The following RRP8 variants were observed in gnomAD, a reference collection of about 807,000 sequenced individuals.
The protein encoded by RRP8 is ribosomal RNA processing 8.
A neutral mutation model predicts 45.0 loss-of-function variants in RRP8; 48 were observed. That is an observed-to-expected ratio of 1.07 (90% CI 0.85 to 1.36). The LOEUF (loss-of-function observed/expected upper bound fraction) is 1.36, where lower values mean the gene tolerates loss of function less well. Among genes scored for constraint, RRP8 ranks in the 40% most tolerant of loss-of-function variants. RRP8 has a pLI of 0.00. For synonymous variants in RRP8, 274 were observed against 212.4 expected (o/e 1.29, Z -2.52); for missense variants, 658 against 573.7 (o/e 1.15, Z -1.50).
At position 6,597,686 on chromosome 11, in the gene RRP8, T is replaced by A. The variant is rs1464972261; in HGVS notation, c.*2460A>T. On this transcript the variant is annotated 3_prime_UTR_variant, in exon 7 of 7. Coordinates refer to ENST00000254605, the MANE Select transcript of RRP8 (RefSeq NM_015324.4). The stretch of plus-strand genomic sequence containing the variant: ...CAGGCCGATCACTCGAGGTCAGGAG[T>A]TCGAGACCAGCCTGGCCAACATGGT... The A allele has an allele frequency of 1.3e-5, 2 of 150,952 alleles. No individual in the cohort carries two copies. The highest frequency in any genetic ancestry group is 4.9e-5 in the African/African-American group (2 of 40,916). The allele number at this position is 150,952 out of a possible 1,614,324, so 9.4% of individuals were successfully genotyped here. A position where few individuals can be genotyped will look rare whatever the true frequency, so the allele number is the denominator to read the frequency against.
rs145507676 is a variant in RRP8, at chr11:6,601,326, T to A, written c.740A>T (p.Asp247Val). 2 of 1,613,848 alleles carry A rather than the reference T, an allele frequency of 1.2e-6. No homozygotes were observed. Among genetic ancestry groups the A allele is most frequent in the Admixed American group, 3.3e-5 (2 of 59,996 alleles). Reference protein sequence around the residue: ...ALRARMAQRLDGARFRYLNEQ... With the variant: ...ALRARMAQRLVGARFRYLNEQ... ...ATTGAGGTAGCGAAATCGGGCCCCA[T>A]CCAGCCGCTGTGCCATGCGGGCTCG... Residue 247 changes from aspartate (D) to valine (V), a missense_variant, in exon 3 of 7, where the codon GAT (aspartate) becomes GTT (valine). Physicochemically the swap from Asp to Val is radical, Grantham distance 152. Coordinates refer to ENST00000254605, the MANE Select transcript of RRP8 (RefSeq NM_015324.4).
In RRP8 at chr11:6,601,498, T is replaced by C; in HGVS notation, c.568A>G (p.Asn190Asp). 1 of 1,613,156 alleles carries C rather than the reference T, an allele frequency of 6.2e-7. No individual in the cohort carries two copies. The highest frequency in any genetic ancestry group is 8.5e-7 in the Non-Finnish European group (1 of 1,180,012). ...CATCTTCTCTTGTTCTTTTGCCGGT[T>C]CCGCCACTGCTTGCGGCTTAATGTA... ...PHTLSRKQWRNRQKNKRRCKN... is the reference protein window; with the variant it reads ...PHTLSRKQWRDRQKNKRRCKN... Residue 190 changes from asparagine to aspartate, a missense_variant, in exon 3 of 7, where the codon AAC becomes GAC. By Grantham distance (23) the Asn-to-Asp change is conservative. Transcript: ENST00000254605.
rs1854286183 is a variant in RRP8 at position 6,599,278 on chromosome 11, G to A, written c.*868C>T. On this transcript the variant is annotated 3_prime_UTR_variant, in exon 7 of 7. Transcript: ENST00000254605. Reference sequence around the variant, plus strand: ...ATAATAGTCATAGCTAGTTTACTGAGCACCTCCTATGTTCCCAGCCCTGGC... The same window carrying A: ...ATAATAGTCATAGCTAGTTTACTGAACACCTCCTATGTTCCCAGCCCTGGC... The A allele has an allele frequency of 6.6e-6, 1 of 152,182 alleles. No individual in the cohort carries two copies. The allele number at this position is 152,182 out of a possible 1,614,324, so 9.4% of individuals were successfully genotyped here. A position where few individuals can be genotyped will look rare whatever the true frequency, so the allele number is the denominator to read the frequency against.
Position 6,601,259 on chromosome 11 carries a change from G to A in RRP8, c.807C>T (p.Leu269=), listed in dbSNP as rs752681307. 7.4e-6 allele frequency: 12 copies of A among 1,611,790 alleles called. No homozygotes were observed. Among genetic ancestry groups the A allele is most frequent in the Non-Finnish European group, 1.0e-5 (12 of 1,178,936 alleles). ...GAAAAGCCTCAGGGTCTTCCTGGAA[G>A]AGACGCTGTGCAGCACTGCTGGGCC... ...YSGPSSAAQR[L]FQEDPEAFLL... is the part of the protein sequence containing the mutation. Residue 269 remains leucine (L), a synonymous_variant, in exon 3 of 7, where the codon CTC becomes CTT. Coordinates refer to ENST00000254605, the MANE Select transcript of RRP8 (RefSeq NM_015324.4).
Position 6,603,445 on chromosome 11 carries a change from C to T in RRP8, c.58G>A (p.Val20Ile). ...AAPVAAGLGP[V>I]ISRPPPAASS... Reference sequence around the variant, plus strand: ...GCCGCAGGCGGAGGTCGTGAGATTACGGGCCCAAGGCCCGCGGCTACTGGG... The same window carrying T: ...GCCGCAGGCGGAGGTCGTGAGATTATGGGCCCAAGGCCCGCGGCTACTGGG... The change falls in exon 1 of 7, where the codon GTA (valine) becomes ATA (isoleucine). Residue 20 changes from valine (V) to isoleucine (I), a missense_variant. Transcript: ENST00000254605. 1.2e-6 allele frequency: 2 copies of T among 1,605,056 alleles called. No homozygotes were observed. The highest frequency in any genetic ancestry group is 1.7e-6 in the Non-Finnish European group (2 of 1,176,768).
chr11:6,602,207 C>G lies in RRP8; in HGVS notation c.108G>C (p.Lys36Asn). The G allele has an allele frequency of 6.4e-7, 1 of 1,552,464 alleles. No homozygotes were observed. Among genetic ancestry groups the G allele is most frequent in the Non-Finnish European group, 8.7e-7 (1 of 1,153,566 alleles). ...GTAATGTGGCCAAGAGCTGGCGGCGCTTGGAGCCCTGGAGGAAAACAGGGG... is the reference window on the plus strand; with the variant it reads ...GTAATGTGGCCAAGAGCTGGCGGCGGTTGGAGCCCTGGAGGAAAACAGGGG... ...PAASSQNKGS[K>N]RRQLLATLRA... The change falls in exon 2 of 7, where the codon AAG (lysine) becomes AAC (asparagine). Residue 36 changes from lysine to asparagine, a missense_variant. Transcript: ENST00000254605.
In RRP8 at chr11:6,603,413, CGAG is replaced by C. The variant is rs1564838834; in HGVS notation, c.87_89del (p.Ser30del). On this transcript the variant is annotated inframe_deletion, in exon 1 of 7. Transcript: ENST00000254605. ...CCCGCGAGTCACTCACCTTGTTTTGCGAGGAGGCCGCAGGCGGAGGTCGTGAGA... is the reference window on the plus strand; with the variant it reads ...CCCGCGAGTCACTCACCTTGTTTTGCGAGGCCGCAGGCGGAGGTCGTGAGA... 1 of 1,601,692 alleles carries C rather than the reference CGAG, an allele frequency of 6.2e-7. No individual in the cohort carries two copies.
At position 6,600,981 on chromosome 11, in the gene RRP8, T is replaced by C. The variant is rs945107161; in HGVS notation, c.992A>G (p.His331Arg). ...GTCCAGAGAAGCCAAGTCAAAGCAA[T>C]GCACAGGGTTCCGGATACTTGAAGC... ...RLASSIRNPV[H>R]CFDLASLDPR... Residue 331 changes from histidine (H) to arginine (R), a missense_variant, in exon 4 of 7, where the codon CAT becomes CGT. By Grantham distance (29) the His-to-Arg change is conservative. Transcript: ENST00000254605. 5.6e-6 allele frequency: 9 copies of C among 1,614,100 alleles called. No individual in the cohort carries two copies. The highest frequency in any genetic ancestry group is 1.1e-5 in the South Asian group (1 of 91,078).
rs201693331 is a variant in RRP8 at position 6,600,654 on chromosome 11, C to T, written c.1154+15G>A. Reference sequence around the variant, plus strand: ...CACACATACATACATGCATCTGTGTCCTGGGGGCTCTTACCCTGGCTTCAG... The same window carrying T: ...CACACATACATACATGCATCTGTGTTCTGGGGGCTCTTACCCTGGCTTCAG... On this transcript the variant is annotated intron_variant, in intron 5 of 6. Coordinates refer to ENST00000254605, the MANE Select transcript of RRP8 (RefSeq NM_015324.4). 1.9e-6 allele frequency: 3 copies of T among 1,610,680 alleles called. No individual in the cohort carries two copies. In the East Asian group the frequency reaches 6.7e-5, roughly 36 times the overall value.
At position 6,596,314 on chromosome 11, in the gene RRP8, T is replaced by C. The variant is rs1366144236; in HGVS notation, c.*3832A>G. 1 of 152,316 alleles carries C rather than the reference T, an allele frequency of 6.6e-6. No homozygotes were observed. Among genetic ancestry groups the C allele is most frequent in the African/African-American group, 2.4e-5 (1 of 41,440 alleles). 9.4% of individuals were successfully genotyped at this position (152,316 alleles called of 1,614,324 possible). A position where few individuals can be genotyped will look rare whatever the true frequency, so the allele number is the denominator to read the frequency against. ...TCTCAGTAGAAACAGTTTGGAAAGCTTGAGGAATAAAAAGCAAGTCTGTGT... is the reference window on the plus strand; with the variant it reads ...TCTCAGTAGAAACAGTTTGGAAAGCCTGAGGAATAAAAAGCAAGTCTGTGT... On this transcript the variant is annotated 3_prime_UTR_variant, in exon 7 of 7. Coordinates refer to ENST00000254605, the MANE Select transcript of RRP8 (RefSeq NM_015324.4).
rs1311486454 is a variant in RRP8, at chr11:6,598,303, C to G, written c.*1843G>C. 6.6e-6 allele frequency: 1 copy of G among 152,228 alleles called. No homozygotes were observed. The highest frequency in any genetic ancestry group is 1.5e-5 in the Non-Finnish European group (1 of 68,064). 9.4% of individuals were successfully genotyped at this position (152,228 alleles called of 1,614,324 possible). On this transcript the variant is annotated 3_prime_UTR_variant, in exon 7 of 7. Coordinates refer to ENST00000254605, the MANE Select transcript of RRP8 (RefSeq NM_015324.4). ...TTCCATCATGACTAGTCAACAGTGCCCTCATCTTGTGCCCTAGTACCTGGG... is the reference window on the plus strand; with the variant it reads ...TTCCATCATGACTAGTCAACAGTGCGCTCATCTTGTGCCCTAGTACCTGGG...
At chr11:6,602,265 C>G in intron 1 of RRP8, 50 bp from the exon 2 acceptor site, 1 of 1,501,924 alleles carries the variant, frequency 6.7e-7, no homozygotes, top group Non-Finnish European at 8.8e-7. Flanking sequence ...TGGATGAGGC[C>G]TGGAGAACAA....
rs1003254434 is a variant in RRP8 at position 6,599,822 on chromosome 11, C to T, written c.*324G>A. 6.1e-6 allele frequency: 1 copy of T among 165,280 alleles called. No homozygotes were observed. The highest frequency in any genetic ancestry group is 2.4e-5 in the African/African-American group (1 of 41,930). The allele number at this position is 165,280 out of a possible 1,614,324, so 10.2% of individuals were successfully genotyped here. A position where few individuals can be genotyped will look rare whatever the true frequency, so the allele number is the denominator to read the frequency against. On this transcript the variant is annotated 3_prime_UTR_variant, in exon 7 of 7. Transcript: ENST00000254605. ...ATGGCAGGACAGGAAGGCCATGTGG[C>T]TTCTTAGTTGGAAAGAAGAGCAAAA...
At position 6,598,142 on chromosome 11, in the gene RRP8, C is replaced by T. The variant is rs950009865; in HGVS notation, c.*2004G>A. ...ACAGATTTCACGCATGTCCCACTTC[C>T]TAAAATCCAACACTTTGAATGGCAT... On this transcript the variant is annotated 3_prime_UTR_variant, in exon 7 of 7. Coordinates refer to ENST00000254605, the MANE Select transcript of RRP8 (RefSeq NM_015324.4). 7.2e-5 allele frequency: 11 copies of T among 152,212 alleles called. No homozygotes were observed. The highest frequency in any genetic ancestry group is 2.7e-4 in the African/African-American group (11 of 41,416). The allele number at this position is 152,212 out of a possible 1,614,324, so 9.4% of individuals were successfully genotyped here. A position where few individuals can be genotyped will look rare whatever the true frequency, so the allele number is the denominator to read the frequency against.
Position 6,600,137 on chromosome 11 carries a change from A to G in RRP8, c.*9T>C. 1 of 1,546,468 alleles carries G rather than the reference A, an allele frequency of 6.5e-7. No homozygotes were observed. Reference sequence around the variant, plus strand: ...AGATCTGCCTCCCCTTTCAAGGAAGATCCAGAGGTCACCTGCGCTTGTAGA... The same window carrying G: ...AGATCTGCCTCCCCTTTCAAGGAAGGTCCAGAGGTCACCTGCGCTTGTAGA... On this transcript the variant is annotated 3_prime_UTR_variant, in exon 7 of 7. Transcript: ENST00000254605.
At position 6,601,481 on chromosome 11, in the gene RRP8, C is replaced by T. The variant is rs1219324693; in HGVS notation, c.585G>A (p.Lys195=). 10 of 1,613,810 alleles carry T rather than the reference C, an allele frequency of 6.2e-6. No individual in the cohort carries two copies. The highest frequency in any genetic ancestry group is 7.6e-6 in the Non-Finnish European group (9 of 1,180,026). ...GCTGAAACTTGTTCTTACATCTTCT[C>T]TTGTTCTTTTGCCGGTTCCGCCACT... ...RKQWRNRQKN[K]RRCKNKFQPP... is the part of the protein sequence containing the mutation. The change falls in exon 3 of 7, where the codon AAG becomes AAA. Residue 195 remains lysine (K), a synonymous_variant. Coordinates refer to ENST00000254605, the MANE Select transcript of RRP8 (RefSeq NM_015324.4).
chr11:6,601,437 TG>T lies in RRP8; in HGVS notation c.628del (p.Gln210ArgfsTer79). The part of the protein sequence containing the change: ...NKFQPPQVPD[Q>X]APAEAPTEKT... ...CTCTGTGGGGGCCTCAGCTGGGGCCTGGTCTGGCACCTGAGGTGGCTGAAAC... is the reference window on the plus strand; with the variant it reads ...CTCTGTGGGGGCCTCAGCTGGGGCCTGTCTGGCACCTGAGGTGGCTGAAAC... On this transcript the variant is annotated frameshift_variant, in exon 3 of 7. Coordinates refer to ENST00000254605, the MANE Select transcript of RRP8 (RefSeq NM_015324.4). LOFTEE classifies it high-confidence loss of function. The T allele has an allele frequency of 1.9e-6, 3 of 1,614,176 alleles. No individual in the cohort carries two copies. Among genetic ancestry groups the T allele is most frequent in the Non-Finnish European group, 2.5e-6 (3 of 1,180,028 alleles).
At chr11:6,603,288 G>T in intron 1 of RRP8, 116 bp downstream of exon 1, 1 of 707,258 alleles carries the variant, frequency 1.4e-6, no homozygotes, top group Non-Finnish European at 2.4e-6. Context: ...TTCAGATCAG[G>T]ACTCGCCCTT....
Position 6,600,521 on chromosome 11 carries a change from C to T in RRP8, c.1216G>A (p.Ala406Thr). 6.2e-7 allele frequency: 1 copy of T among 1,613,890 alleles called. No individual in the cohort carries two copies. Among genetic ancestry groups the T allele is most frequent in the African/African-American group, 1.3e-5 (1 of 75,054 alleles). ...RFEDVRTFLR[A>T]VTKLGFKIVS... Reference sequence around the variant, plus strand: ...ATCTTGAAGCCTAGCTTGGTCACAGCCCGCAGAAAGGTTCGAACATCCTCA... The same window carrying T: ...ATCTTGAAGCCTAGCTTGGTCACAGTCCGCAGAAAGGTTCGAACATCCTCA... Residue 406 changes from alanine (A) to threonine (T), a missense_variant, in exon 6 of 7, where the codon GCT becomes ACT. By Grantham distance (58) the Ala-to-Thr change is moderately conservative. Coordinates refer to ENST00000254605, the MANE Select transcript of RRP8 (RefSeq NM_015324.4).
Sources: gnomAD v4.1 joint callset for allele counts on GRCh38, gnomAD v4.1.1 for gene constraint, MANE v1.5 for transcripts, NCBI Gene and HGNC (gene_info 2026-07-23, HGNC 2026-07-21) for gene names.